The following APBB1IP variants were observed in gnomAD, a reference collection of about 807,000 sequenced individuals.
APBB1IP encodes the protein amyloid beta A4 precursor protein-binding family B member 1-interacting protein.
APBB1IP carries 27 observed loss-of-function variants against 64.9 expected under a neutral mutation model. That is an observed-to-expected ratio of 0.42 (90% confidence interval 0.31 to 0.57). The LOEUF (loss-of-function observed/expected upper bound fraction) is 0.57. Among genes scored for constraint, APBB1IP ranks in the 20% least tolerant of loss-of-function variants. The pLI is 0.20. For synonymous variants in APBB1IP, 392 were observed against 331.0 expected (o/e 1.18, Z -2.00); for missense variants, 812 against 845.5 (o/e 0.96, Z 0.49).
At chr10:26,448,376 T>C (rs899808094) in intron 2 of APBB1IP, among the ~76,000 whole-genome samples, 2 of 152,220 alleles carry the variant, frequency 1.3e-5, no homozygotes, top group Non-Finnish European at 2.9e-5. Flanking sequence ...CATTTTTTAA[T>C]ACTAAGTCTT....
chr10:26,523,038 A>G (rs1261595772), intron 8 of APBB1IP, among the ~76,000 whole-genome samples: 2 of 151,034 alleles, frequency 1.3e-5, no homozygotes, highest in African/African-American at 4.9e-5. Context: ...AAAAACCAAG[A>G]AAAAAACAAT....
At chr10:26,468,232 A>T (rs1323996625) in intron 2 of APBB1IP, among the ~76,000 whole-genome samples, 2 of 152,200 alleles carry the variant, frequency 1.3e-5, no homozygotes. Context: ...GAGAAATAAT[A>T]GTCTCTCTTC....
intron 2 of APBB1IP, among the ~76,000 whole-genome samples, chr10:26,490,435 G>A (rs1451171055): frequency 1.3e-5 from 2 of 152,062 alleles, no homozygotes; most frequent in Non-Finnish European, 2.9e-5. Flanking sequence ...GACCACCCTG[G>A]CCAACATGGC....
Position 26,511,694 on chromosome 10 carries a change from T to C in APBB1IP, c.532-53T>C, listed in dbSNP as rs1391272939. Reference sequence around the variant, plus strand: ...AGCAACTTTGAAACCCTCATCTTAGTAGCCTTCTCCAGTTGCTGAAATTTA... The same window carrying C: ...AGCAACTTTGAAACCCTCATCTTAGCAGCCTTCTCCAGTTGCTGAAATTTA... On this transcript the variant is annotated intron_variant, in intron 6 of 14. Coordinates refer to ENST00000376236, the MANE Select transcript of APBB1IP (RefSeq NM_019043.4). 17 of 1,599,998 alleles carry C rather than the reference T, an allele frequency of 1.1e-5. No individual in the cohort carries two copies. The East Asian group carries it at 2.5e-4, about 23-fold the overall frequency.
In APBB1IP at chr10:26,531,577, G is replaced by A. The variant is rs867579621; in HGVS notation, c.814-1862G>A. ...AGCTACTCGGGAGGCTGAGGCAGGA[G>A]AATGGCATGAACCTGAGAGGCGGAG... On this transcript the variant is annotated intron_variant, in intron 8 of 14. Coordinates refer to ENST00000376236, the MANE Select transcript of APBB1IP (RefSeq NM_019043.4). Among the ~76,000 whole-genome samples, 68 of 151,630 alleles carry A rather than the reference G, an allele frequency of 4.5e-4. No homozygotes were observed. The Middle Eastern group carries it at 0.014, about 30-fold the overall frequency.
chr10:26,452,790 C>T (rs755575283), intron 2 of APBB1IP, among the ~76,000 whole-genome samples: 1 of 152,052 alleles, frequency 6.6e-6, no homozygotes, highest in Admixed American at 6.6e-5. Flanking sequence ...GAACATTGTA[C>T]CCAATCGGTA....
intron 8 of APBB1IP, among the ~76,000 whole-genome samples, chr10:26,533,188 G>A (rs373022538): frequency 7.9e-5 from 12 of 152,236 alleles, no homozygotes; most frequent in South Asian, 4.1e-4. Flanking sequence ...TGTATTTTTC[G>A]CTACTGTTTT....
At chr10:26,441,481 G>A (rs941706681) in intron 2 of APBB1IP, among the ~76,000 whole-genome samples, 3 of 152,134 alleles carry the variant, frequency 2.0e-5, no homozygotes, top group Middle Eastern at 3.2e-3. Context: ...GCTTTTGGGG[G>A]ACTAGAGGAT....
At chr10:26,497,277 C>T (rs564010548) in intron 4 of APBB1IP, among the ~76,000 whole-genome samples, 19 of 152,244 alleles carry the variant, frequency 1.2e-4, no homozygotes, top group South Asian at 1.2e-3. Context: ...TGAGGCCAGG[C>T]GCAGTGGCTC....
intron 8 of APBB1IP, among the ~76,000 whole-genome samples, chr10:26,530,114 A>G (rs1476991285): frequency 6.6e-6 from 1 of 152,198 alleles, no homozygotes; most frequent in African/African-American, 2.4e-5. Flanking sequence ...AATATATGTA[A>G]CATAGGACTT....
chr10:26,567,014 G>A lies in APBB1IP; in HGVS notation c.1527G>A (p.Pro509=). 1 of 1,569,348 alleles carries A rather than the reference G, an allele frequency of 6.4e-7. No individual in the cohort carries two copies. The highest frequency in any genetic ancestry group is 2.4e-5 in the East Asian group (1 of 41,388). Residue 509 remains proline (P), a synonymous_variant, in exon 15 of 15, where the codon CCG becomes CCA. Transcript: ENST00000376236. The part of the protein sequence containing the change: ...NHHDPAVPRA[P]HAPKSSLPPP... ...ACGACCCGGCAGTGCCCCGGGCCCC[G>A]CACGCCCCCAAGTCCAGCCTGCCCC...
Position 26,516,973 on chromosome 10 carries a change from G to A in APBB1IP, c.813+3313G>A, listed in dbSNP as rs150412830. On this transcript the variant is annotated intron_variant, in intron 8 of 14. Coordinates refer to ENST00000376236, the MANE Select transcript of APBB1IP (RefSeq NM_019043.4). ...ATTTATTCAGCTCCTTTGCAGCCCC[G>A]TTCCCAGTCTCTGGTGATAAGGGCT... 2.0e-4 allele frequency among the ~76,000 whole-genome samples: 31 copies of A among 152,218 alleles called. No homozygotes were observed. In the East Asian group the frequency reaches 5.6e-3, roughly 28 times the overall value.
At chr10:26,465,160 G>A (rs1413341878) in intron 2 of APBB1IP, among the ~76,000 whole-genome samples, 1 of 152,176 alleles carries the variant, frequency 6.6e-6, no homozygotes, top group Non-Finnish European at 1.5e-5. Context: ...AAATTAAAAG[G>A]CTGTCATTTT....
chr10:26,474,337 T>C (rs1835752862), intron 2 of APBB1IP, among the ~76,000 whole-genome samples: 1 of 152,212 alleles, frequency 6.6e-6, no homozygotes, highest in African/African-American at 2.4e-5. Context: ...AGTTCATTAC[T>C]TCATTGCTTG....
At chr10:26,452,756 C>T (rs10047359) in intron 2 of APBB1IP, among the ~76,000 whole-genome samples, 60,658 of 151,868 alleles carry the variant, frequency 0.4, 12,255 homozygotes, top group South Asian at 0.5. Context: ...TCTGGACTTT[C>T]AGTGAACAGG....
chr10:26,532,089 T>C (rs1836562009), intron 8 of APBB1IP, among the ~76,000 whole-genome samples: 1 of 152,156 alleles, frequency 6.6e-6, no homozygotes, highest in Admixed American at 6.5e-5. Flanking sequence ...AGTTTCAAGG[T>C]GGTCTGAGGA....
At chr10:26,565,710 G>GT (rs988642534) in intron 14 of APBB1IP, among the ~76,000 whole-genome samples, 1 of 152,218 alleles carries the variant, frequency 6.6e-6, no homozygotes, top group African/African-American at 2.4e-5. Context: ...TGGAAAGCCA[G>GT]TAACACCATG....
chr10:26,471,409 C>T (rs1371603370), intron 2 of APBB1IP, among the ~76,000 whole-genome samples: 1 of 152,116 alleles, frequency 6.6e-6, no homozygotes, highest in Non-Finnish European at 1.5e-5. Context: ...AGACTCAGTT[C>T]CTTTCTTGCT....
chr10:26,539,896 T>C (rs2132468216), intron 10 of APBB1IP, among the ~76,000 whole-genome samples: 1 of 152,220 alleles, frequency 6.6e-6, no homozygotes, highest in East Asian at 1.9e-4. Flanking sequence ...AAATTAAGCA[T>C]GAGATTGATA....
Sources: allele counts gnomAD v4.1 joint callset (sites outside exome capture counted in the v4.1 genomes callset), GRCh38; gene constraint gnomAD v4.1.1; transcripts MANE v1.5; gene names NCBI Gene and HGNC (gene_info 2026-07-23, HGNC 2026-07-21).